Variants in PRKG1 observed in about 807,000 individuals in gnomAD.
PRKG1 encodes the protein protein kinase cGMP-dependent 1.
Under a neutral mutation model 88.1 loss-of-function variants are expected in PRKG1, and 35 were observed. The ratio of observed to expected loss-of-function variants is 0.40; its 90% CI spans 0.30 to 0.53. The LOEUF is 0.53. Among genes scored for constraint, PRKG1 ranks in the 20% least tolerant of loss-of-function variants. The pLI is 0.59. For synonymous variants in PRKG1, 303 were observed against 292.5 expected, an observed-to-expected ratio of 1.04 and a Z score of -0.37; for missense variants, 540 against 839.8, an observed-to-expected ratio of 0.64 and a Z score of 4.41.
At chr10:51,870,293 T>G (rs1216145332) in intron 4 of PRKG1, among the ~76,000 whole-genome samples, 1 of 152,116 alleles carries the variant, frequency 6.6e-6, no homozygotes, top group African/African-American at 2.4e-5. Context: ...TCAATGATGA[T>G]CAGGAATTAA....
At chr10:52,200,458 A>T (rs1205224443) in intron 9 of PRKG1, among the ~76,000 whole-genome samples, 2 of 152,154 alleles carry the variant, frequency 1.3e-5, no homozygotes, top group African/African-American at 4.8e-5. Flanking sequence ...CCAGTTTACC[A>T]TTGACAGGCA....
chr10:52,255,066 C>A (rs953852694), intron 10 of PRKG1, among the ~76,000 whole-genome samples: 1 of 152,080 alleles, frequency 6.6e-6, no homozygotes, highest in African/African-American at 2.4e-5. Context: ...AATGGTCTTT[C>A]TAATGTGTTC....
At chr10:51,244,667 A>G (rs1839241695) in intron 2 of PRKG1, among the ~76,000 whole-genome samples, 1 of 152,094 alleles carries the variant, frequency 6.6e-6, no homozygotes, top group Non-Finnish European at 1.5e-5. Context: ...TACTGGAAAA[A>G]AAGACTACAT....
intron 9 of PRKG1, among the ~76,000 whole-genome samples, chr10:52,202,078 A>T (rs1245604681): frequency 6.6e-6 from 1 of 151,980 alleles, no homozygotes; most frequent in Admixed American, 6.6e-5. Context: ...TCTGGCTATG[A>T]ATTCCAGTAC....
rs747732839 is a variant in PRKG1 at position 50,991,573 on chromosome 10, G to C, written c.195G>C (p.Ser65=). ...GGACCACCCGGGCGCAGGGCATCTC[G>C]GCCGAGCCGCAGACGTACAGGTCCT... Residue 65 remains serine (S), a synonymous_variant, in exon 1 of 18, where the codon TCG becomes TCC. Transcript: ENST00000401604. This position sits in a 1 kb window ranked among gnomAD's most constrained non-coding sequence, Gnocchi z 4.5. 37 of 1,601,204 alleles carry C rather than the reference G, an allele frequency of 2.3e-5. No individual in the cohort carries two copies. In the East Asian group the frequency reaches 4.8e-4, roughly 21 times the overall value.
At chr10:51,770,093 T>C (rs574479558) in intron 3 of PRKG1, among the ~76,000 whole-genome samples, 1 of 152,306 alleles carries the variant, frequency 6.6e-6, no homozygotes, top group Admixed American at 6.5e-5. Flanking sequence ...GATGTACAAA[T>C]ATACTAACTT....
At chr10:51,470,428 C>T (rs10997677) in intron 3 of PRKG1, among the ~76,000 whole-genome samples, 67,597 of 151,502 alleles carry the variant, frequency 0.45, 15,706 homozygotes, top group African/African-American at 0.52. Context: ...TTACATACCT[C>T]GGCTTTTGAC....
intron 3 of PRKG1, among the ~76,000 whole-genome samples, chr10:51,562,412 A>G (rs1837490473): frequency 6.6e-6 from 1 of 152,044 alleles, no homozygotes; most frequent in Non-Finnish European, 1.5e-5. Context: ...CAGAATTGTG[A>G]GGTTCTGTTA....
chr10:51,474,694 G>A (rs1385697061), intron 3 of PRKG1, among the ~76,000 whole-genome samples: 1 of 151,888 alleles, frequency 6.6e-6, no homozygotes, highest in African/African-American at 2.4e-5. Context: ...TTAAACAGCA[G>A]CTAAAGACAA....
At chr10:51,969,281 C>G (rs890295466) in intron 5 of PRKG1, among the ~76,000 whole-genome samples, 2 of 152,076 alleles carry the variant, frequency 1.3e-5, no homozygotes, top group African/African-American at 4.8e-5. Flanking sequence ...TTCATTTCTC[C>G]CTAGAAATCT....
At chr10:51,220,535 A>G (rs1838501219) in intron 2 of PRKG1, among the ~76,000 whole-genome samples, 1 of 152,224 alleles carries the variant, frequency 6.6e-6, no homozygotes, top group Non-Finnish European at 1.5e-5. Context: ...AAATGCACAA[A>G]ATCATAGTAT....
intron 5 of PRKG1, among the ~76,000 whole-genome samples, chr10:51,956,248 C>T (rs1001264609): frequency 6.6e-6 from 1 of 151,986 alleles, no homozygotes; most frequent in African/African-American, 2.4e-5. Context: ...AAGTGATATA[C>T]TTTCCCCATA....
chr10:51,819,727 G>C (rs1399914137), intron 4 of PRKG1, among the ~76,000 whole-genome samples: 1 of 152,102 alleles, frequency 6.6e-6, no homozygotes, highest in East Asian at 1.9e-4. Flanking sequence ...ATACAAACCA[G>C]GGAAACAAGC....
intron 3 of PRKG1, among the ~76,000 whole-genome samples, chr10:51,653,861 G>A (rs1303983940): frequency 6.6e-6 from 1 of 152,130 alleles, no homozygotes; most frequent in Non-Finnish European, 1.5e-5. Flanking sequence ...AGCCACCACA[G>A]CTGGCCTCTT....
chr10:52,152,670 C>A (rs1260979885), intron 8 of PRKG1, among the ~76,000 whole-genome samples: 1 of 151,972 alleles, frequency 6.6e-6, no homozygotes, highest in Non-Finnish European at 1.5e-5. Flanking sequence ...AAGAGTGACA[C>A]GATCTGATTT....
intron 5 of PRKG1, among the ~76,000 whole-genome samples, chr10:52,010,306 G>T (rs1186628375): frequency 2.0e-5 from 3 of 151,974 alleles, no homozygotes; most frequent in Non-Finnish European, 2.9e-5. Flanking sequence ...GAATCTGTAA[G>T]GAACTTTATA....
At chr10:51,469,994 G>T (rs1385946095) in intron 3 of PRKG1, among the ~76,000 whole-genome samples, 2 of 151,758 alleles carry the variant, frequency 1.3e-5, no homozygotes, top group Admixed American at 1.3e-4. Context: ...TTTTTGTCCT[G>T]CCACCTCTGC....
chr10:51,705,058 C>T (rs1053505082), intron 3 of PRKG1, among the ~76,000 whole-genome samples: 2 of 152,136 alleles, frequency 1.3e-5, no homozygotes, highest in Admixed American at 6.5e-5. Flanking sequence ...TTCACATATT[C>T]TCCTCTGGCT....
intron 3 of PRKG1, among the ~76,000 whole-genome samples, chr10:51,549,081 G>A (rs1168497811): frequency 7.2e-6 from 1 of 139,114 alleles, no homozygotes; most frequent in Non-Finnish European, 1.6e-5. Flanking sequence ...GGGATACCAA[G>A]TTTCTTCCCT....
Sources: gnomAD v4.1 joint callset for allele counts (sites outside exome capture counted in the v4.1 genomes callset) on GRCh38, gnomAD v4.1.1 for gene constraint, Gnocchi (gnomAD v3.1) non-coding constraint, MANE v1.5 for transcripts, NCBI Gene and HGNC (gene_info 2026-07-23, HGNC 2026-07-21) for gene names.